Variants in DIP2C observed in about 807,000 individuals in gnomAD.
The protein encoded by DIP2C is disco-interacting protein 2 homolog C.
Under a neutral mutation model 192.4 loss-of-function variants are expected in DIP2C, and 33 were observed. The ratio of observed to expected loss-of-function variants is 0.17; its 90% CI spans 0.13 to 0.23. The LOEUF (loss-of-function observed/expected upper bound fraction) is 0.23. Among genes scored for constraint, DIP2C ranks in the 10% least tolerant of loss-of-function variants. The pLI is 1.00. For synonymous variants in DIP2C, 979 were observed against 864.1 expected (o/e 1.13, Z -2.33); for missense variants, 1,537 against 2,110.1 (o/e 0.73, Z 5.32).
chr10:343,644 C>A (rs1206884093), intron 28 of DIP2C, among the ~76,000 whole-genome samples: 1 of 152,172 alleles, frequency 6.6e-6, no homozygotes, highest in African/African-American at 2.4e-5. Flanking sequence ...TATACAACAT[C>A]CATCCAGACT....
At chr10:367,221 T>C (rs913254866) in intron 18 of DIP2C, among the ~76,000 whole-genome samples, 7 of 152,088 alleles carry the variant, frequency 4.6e-5, no homozygotes, top group East Asian at 1.9e-4. Context: ...ATCGAGACCA[T>C]CCTGGCTAAC....
At chr10:300,363 AT>A (rs1200038936) in intron 32 of DIP2C, among the ~76,000 whole-genome samples, 1 of 152,196 alleles carries the variant, frequency 6.6e-6, no homozygotes, top group Non-Finnish European at 1.5e-5. Context: ...CCTTGAGGAC[AT>A]TATGCTAGGT....
chr10:425,389 G>A (rs952702256), intron 4 of DIP2C, among the ~76,000 whole-genome samples: 148 of 144,156 alleles, frequency 1.0e-3, no homozygotes, highest in Non-Finnish European at 1.2e-3. Flanking sequence ...CATGACCAGC[G>A]GTGACTAATA....
chr10:682,375 A>C (rs1831166355), intron 1 of DIP2C, among the ~76,000 whole-genome samples: 1 of 152,182 alleles, frequency 6.6e-6, no homozygotes, highest in African/African-American at 2.4e-5. Flanking sequence ...CTCCCTCCTC[A>C]AACTAGGGAC....
At chr10:364,262 A>G (rs1234309989) in intron 20 of DIP2C, 112 bp downstream of exon 20, 1 of 1,269,298 alleles carries the variant, frequency 7.9e-7, no homozygotes, top group African/African-American at 1.5e-5. Flanking sequence ...ATGGAAGAGG[A>G]AACGGAGACA....
At chr10:530,574 T>C (rs113210208) in intron 1 of DIP2C, among the ~76,000 whole-genome samples, 23,772 of 148,262 alleles carry the variant, frequency 0.16, 3,011 homozygotes, top group African/African-American at 0.35. Context: ...GCCCAGCACT[T>C]TGGGAGGCTG....
At chr10:587,440 G>A (rs1399092553) in intron 1 of DIP2C, among the ~76,000 whole-genome samples, 2 of 152,218 alleles carry the variant, frequency 1.3e-5, no homozygotes, top group African/African-American at 2.4e-5. Flanking sequence ...AGGCCACACT[G>A]CCATAGGTCA....
intron 29 of DIP2C, among the ~76,000 whole-genome samples, chr10:336,959 GTTGTGGAGGCCTAGGCAGC>G (rs1189701913): frequency 5.8e-5 from 4 of 69,542 alleles, no homozygotes; most frequent in Admixed American, 4.9e-4. Context: ...GTGTGTGTGT[GTTGTGGAGGCCTAGGCAGC>G]TGTGTGTGTG....
intron 36 of DIP2C, among the ~76,000 whole-genome samples, chr10:278,681 A>G (rs1172501498): frequency 6.6e-6 from 1 of 152,268 alleles, no homozygotes; most frequent in Non-Finnish European, 1.5e-5. Context: ...AGATTCACTC[A>G]GAAATGTTTT....
At chr10:562,551 T>C (rs990188289) in intron 1 of DIP2C, among the ~76,000 whole-genome samples, 1 of 152,264 alleles carries the variant, frequency 6.6e-6, no homozygotes, top group Admixed American at 6.5e-5. Context: ...CTTTTCCATA[T>C]GCACACGGAT....
At chr10:675,465 A>C (rs1588748895) in intron 1 of DIP2C, among the ~76,000 whole-genome samples, 1 of 152,170 alleles carries the variant, frequency 6.6e-6, no homozygotes, top group Non-Finnish European at 1.5e-5. Context: ...ATTAAACTAA[A>C]AAATACAAAA....
intron 1 of DIP2C, among the ~76,000 whole-genome samples, chr10:600,183 G>C (rs1372548962): frequency 2.0e-5 from 3 of 152,130 alleles, no homozygotes; most frequent in Non-Finnish European, 2.9e-5. Flanking sequence ...GAAGACATTT[G>C]GTTACGACCG....
At chr10:528,878 CTG>C (rs1404304442) in intron 1 of DIP2C, among the ~76,000 whole-genome samples, 12 of 152,218 alleles carry the variant, frequency 7.9e-5, no homozygotes, top group African/African-American at 2.9e-4. Context: ...TCTCCTCTCA[CTG>C]TGGAACTTCC....
chr10:411,022 C>T (rs991547071), intron 8 of DIP2C, among the ~76,000 whole-genome samples: 4 of 152,124 alleles, frequency 2.6e-5, no homozygotes, highest in Non-Finnish European at 4.4e-5. Flanking sequence ...AGGGGAGAGG[C>T]GGTGGGTGGC....
At chr10:492,092 CTCTGA>C (rs1236064326) in intron 1 of DIP2C, among the ~76,000 whole-genome samples, 1 of 152,096 alleles carries the variant, frequency 6.6e-6, no homozygotes, top group Non-Finnish European at 1.5e-5. Context: ...TGTTGCTCTG[CTCTGA>C]TGTCAACCAC....
intron 1 of DIP2C, among the ~76,000 whole-genome samples, chr10:608,066 T>C (rs1852631207): frequency 1.3e-5 from 2 of 150,796 alleles, no homozygotes; most frequent in Non-Finnish European, 2.9e-5. Flanking sequence ...TCAGCAAATC[T>C]GGTCTTTGAT....
intron 29 of DIP2C, among the ~76,000 whole-genome samples, chr10:333,869 A>G (rs1485705545): frequency 6.6e-6 from 1 of 152,040 alleles, no homozygotes; most frequent in African/African-American, 2.4e-5. Flanking sequence ...GTGGTATCTC[A>G]CTGTGGTTTT....
intron 23 of DIP2C, 72 bp downstream of exon 23, chr10:357,756 A>C: frequency 8.8e-7 from 1 of 1,142,014 alleles, no homozygotes; most frequent in Non-Finnish European, 1.3e-6. Flanking sequence ...ACTGTCGGGG[A>C]TGGTCGCAGA....
chr10:356,273 A>C, intron 24 of DIP2C, 153 bp downstream of exon 24: 3 of 822,262 alleles, frequency 3.6e-6, no homozygotes, highest in Non-Finnish European at 6.1e-6. Flanking sequence ...AACAATCCCT[A>C]GGTACAAAAG....
Sources: allele counts gnomAD v4.1 joint callset (sites outside exome capture counted in the v4.1 genomes callset), GRCh38; gene constraint gnomAD v4.1.1; transcripts MANE v1.5; gene names NCBI Gene and HGNC (gene_info 2026-07-23, HGNC 2026-07-21).